SLC35A3: variants seen among roughly 807,000 people sequenced by gnomAD.
SLC35A3 encodes solute carrier family 35 member A3.
Under a neutral mutation model 39.0 loss-of-function variants are expected in SLC35A3, and 26 were observed. That is an observed-to-expected ratio of 0.67 (90% confidence interval 0.49 to 0.92). SLC35A3 has a LOEUF of 0.92. SLC35A3 is among the 40% of genes least tolerant of loss of function. The pLI is 0.00. For synonymous variants in SLC35A3, 135 were observed against 133.1 expected, an observed-to-expected ratio of 1.01 and a Z score of -0.10; for missense variants, 299 against 371.6, an observed-to-expected ratio of 0.80 and a Z score of 1.61.
chr1:99,975,398 TAGA>T lies in SLC35A3; in HGVS notation c.-19+5242_-19+5244del, dbSNP rs554443021. On this transcript the variant is annotated intron_variant, in intron 1 of 7. Transcript: ENST00000533028. ...ATGGAGAAGCAGGAAATACAGTGAA[TAGA>T]AGAAGGAAATGTATATCATTTGTCA... 7.1e-3 allele frequency among the ~76,000 whole-genome samples: 1,080 copies of T among 152,320 alleles called. 7 individuals are homozygous for T. The highest frequency in any genetic ancestry group is 0.025 in the African/African-American group (1,032 of 41,562).
At chr1:99,978,432 T>TG (rs1465487882) in intron 1 of SLC35A3, among the ~76,000 whole-genome samples, 3 of 152,004 alleles carry the variant, frequency 2.0e-5, no homozygotes, top group Non-Finnish European at 4.4e-5. Context: ...GAGGCTGAGG[T>TG]GGGAGTATAG....
intron 1 of SLC35A3, among the ~76,000 whole-genome samples, chr1:99,981,573 A>G (rs1033141227): frequency 3.3e-5 from 5 of 151,718 alleles, no homozygotes; most frequent in Admixed American, 1.3e-4. Context: ...TCCTCCTCCC[A>G]GGTTCAAGAA....
At position 100,030,201 on chromosome 1, in the gene SLC35A3, T is replaced by A. The variant is rs1249802472; in HGVS notation, c.*7725T>A. The A allele has an allele frequency of 6.6e-6, 1 of 152,204 alleles. No homozygotes were observed. The highest frequency in any genetic ancestry group is 1.5e-5 in the Non-Finnish European group (1 of 68,030). 9.4% of individuals were successfully genotyped at this position (152,204 alleles called of 1,614,324 possible). On this transcript the variant is annotated 3_prime_UTR_variant, in exon 8 of 8. Coordinates refer to ENST00000533028, the MANE Select transcript of SLC35A3 (RefSeq NM_012243.3). ...CATTCATTTAGGATTTCTAAAATGTTAGAGGTAATTTGTTTAAAACAAATA... is the reference window on the plus strand; with the variant it reads ...CATTCATTTAGGATTTCTAAAATGTAAGAGGTAATTTGTTTAAAACAAATA...
chr1:100,017,222 A>G (rs12121636), intron 6 of SLC35A3, among the ~76,000 whole-genome samples: 4,716 of 152,304 alleles, frequency 0.031, 95 homozygotes, highest in Middle Eastern at 0.044. Flanking sequence ...TTAATGTGAC[A>G]GTAATGAGAG....
At position 100,029,721 on chromosome 1, in the gene SLC35A3, A is replaced by C. The variant is rs567273879; in HGVS notation, c.*7245A>C. 1 of 152,244 alleles carries C rather than the reference A, an allele frequency of 6.6e-6. No individual in the cohort carries two copies. The highest frequency in any genetic ancestry group is 1.9e-4 in the East Asian group (1 of 5,182). 9.4% of individuals were successfully genotyped at this position (152,244 alleles called of 1,614,324 possible). Reference sequence around the variant, plus strand: ...GCTGGGATTACAGGCATGAGCCATCACACCCAGCCCAGAGACTTTTAATTT... The same window carrying C: ...GCTGGGATTACAGGCATGAGCCATCCCACCCAGCCCAGAGACTTTTAATTT... On this transcript the variant is annotated 3_prime_UTR_variant, in exon 8 of 8. Transcript: ENST00000533028.
At chr1:99,986,985 T>C (rs1657781181) in intron 1 of SLC35A3, among the ~76,000 whole-genome samples, 1 of 152,246 alleles carries the variant, frequency 6.6e-6, no homozygotes, top group Non-Finnish European at 1.5e-5. Flanking sequence ...TGAACAGATA[T>C]GAAATCATTG....
chr1:99,981,264 G>A (rs913536571), intron 1 of SLC35A3, among the ~76,000 whole-genome samples: 17 of 152,254 alleles, frequency 1.1e-4, no homozygotes, highest in Middle Eastern at 3.4e-3. Context: ...TGTAACTTGT[G>A]TGTTTTCATA....
rs111846657 is a variant in SLC35A3, at chr1:99,983,537, T to TCAAAA, written c.-18-9974_-18-9970dup. Among the ~76,000 whole-genome samples, 233 of 150,314 alleles carry TCAAAA rather than the reference T, an allele frequency of 1.6e-3. 2 individuals carry two copies. Among genetic ancestry groups the TCAAAA allele is most frequent in the South Asian group, 6.9e-3 (33 of 4,776 alleles). On this transcript the variant is annotated intron_variant, in intron 1 of 7. Transcript: ENST00000533028. The stretch of plus-strand genomic sequence containing the variant: ...CTGGGCGACAAAGCGAGACTCCGTC[T>TCAAAA]CAAAACAAAACAAAACAAAACAAAA...
chr1:100,007,131 T>G lies in SLC35A3; in HGVS notation c.440T>G (p.Leu147Trp). The change falls in exon 4 of 8, where the codon TTG (leucine) becomes TGG (tryptophan). Residue 147 changes from leucine (L) to tryptophan (W), a missense_variant. Coordinates refer to ENST00000533028, the MANE Select transcript of SLC35A3 (RefSeq NM_012243.3). Reference sequence around the variant, plus strand: ...TACCAGTGGCTGTCCCTAGTAATTTTGATGACAGGAGTTGCTTTTGTACAG... The same window carrying G: ...TACCAGTGGCTGTCCCTAGTAATTTGGATGACAGGAGTTGCTTTTGTACAG... ...GVYQWLSLVI[L>W]MTGVAFVQWP... 1 of 1,611,120 alleles carries G rather than the reference T, an allele frequency of 6.2e-7. No homozygotes were observed. The highest frequency in any genetic ancestry group is 8.5e-7 in the Non-Finnish European group (1 of 1,178,608).
rs1661379004 is a variant in SLC35A3 at position 100,034,034 on chromosome 1, C to T, written c.*11558C>T. 6.6e-6 allele frequency: 1 copy of T among 152,170 alleles called. No homozygotes were observed. The highest frequency in any genetic ancestry group is 6.5e-5 in the Admixed American group (1 of 15,280). 9.4% of individuals were successfully genotyped at this position (152,170 alleles called of 1,614,324 possible). ...CCTTGGCCATGTAGAAAATCCTTGACAAACATTTCCTTTTCTTGAGTTTGT... is the reference window on the plus strand; with the variant it reads ...CCTTGGCCATGTAGAAAATCCTTGATAAACATTTCCTTTTCTTGAGTTTGT... On this transcript the variant is annotated 3_prime_UTR_variant, in exon 8 of 8. Coordinates refer to ENST00000533028, the MANE Select transcript of SLC35A3 (RefSeq NM_012243.3).
In SLC35A3 at chr1:100,022,451, C is replaced by T; in HGVS notation, c.953C>T (p.Pro318Leu). 1 of 1,602,818 alleles carries T rather than the reference C, an allele frequency of 6.2e-7. No homozygotes were observed. The highest frequency in any genetic ancestry group is 1.1e-5 in the South Asian group (1 of 90,202). The change falls in exon 8 of 8, where the codon CCT (proline) becomes CTT (leucine). Residue 318 changes from proline (P) to leucine (L), a missense_variant. By Grantham distance (98) the Pro-to-Leu change is moderately conservative (BLOSUM62 -3). Coordinates refer to ENST00000533028, the MANE Select transcript of SLC35A3 (RefSeq NM_012243.3). ...ATFLYGYDPK[P>L]AGNPTKA is the part of the protein sequence containing the mutation. ...TTTTTGTATGGTTATGATCCCAAAC[C>T]TGCAGGAAATCCCACTAAAGCATAG...
intron 1 of SLC35A3, among the ~76,000 whole-genome samples, chr1:99,988,245 C>T (rs1442053692): frequency 6.6e-6 from 1 of 152,024 alleles, no homozygotes; most frequent in African/African-American, 2.4e-5. Context: ...TTAATTTTGC[C>T]TTTTCTAGAA....
intron 1 of SLC35A3, among the ~76,000 whole-genome samples, chr1:99,983,774 C>T (rs1182502140): frequency 2.0e-5 from 3 of 151,740 alleles, no homozygotes; most frequent in Non-Finnish European, 2.9e-5. Flanking sequence ...TACAGGCGCC[C>T]ACCACGCCTG....
At chr1:99,999,011 A>C (rs1042739980) in intron 2 of SLC35A3, among the ~76,000 whole-genome samples, 2 of 152,206 alleles carry the variant, frequency 1.3e-5, no homozygotes, top group Non-Finnish European at 2.9e-5. Context: ...GTTTGTATAT[A>C]TACATATATG....
At chr1:100,012,273 C>G (rs896408525) in intron 5 of SLC35A3, among the ~76,000 whole-genome samples, 6 of 151,848 alleles carry the variant, frequency 4.0e-5, no homozygotes, top group African/African-American at 1.2e-4. Flanking sequence ...CTAAAAATGT[C>G]AACTATTTAT....
intron 1 of SLC35A3, among the ~76,000 whole-genome samples, chr1:99,973,471 A>G (rs892481842): frequency 1.3e-5 from 2 of 152,312 alleles, no homozygotes; most frequent in South Asian, 4.1e-4. Flanking sequence ...TGTTTCTTTA[A>G]TGTATCTTTT....
Position 100,017,692 on chromosome 1 carries a change from G to A in SLC35A3, c.764G>A (p.Gly255Asp). ...WIVVVLQALG[G>D]LVIAAVIKYA... Reference sequence around the variant, plus strand: ...TTTTTAAAACTTCAGGCACTTGGAGGCCTTGTAATAGCTGCTGTTATTAAG... The same window carrying A: ...TTTTTAAAACTTCAGGCACTTGGAGACCTTGTAATAGCTGCTGTTATTAAG... The change falls in exon 7 of 8, where the codon GGC (glycine) becomes GAC (aspartate). Residue 255 changes from glycine (G) to aspartate (D), a missense_variant. Transcript: ENST00000533028. 1 of 1,544,718 alleles carries A rather than the reference G, an allele frequency of 6.5e-7. No homozygotes were observed. The highest frequency in any genetic ancestry group is 1.7e-4 in the Middle Eastern group (1 of 5,786).
intron 1 of SLC35A3, among the ~76,000 whole-genome samples, chr1:99,987,520 G>C (rs1027246958): frequency 2.0e-5 from 3 of 152,204 alleles, no homozygotes; most frequent in Admixed American, 1.3e-4. Flanking sequence ...CATTGTTCGT[G>C]TTTGGAGCAT....
intron 1 of SLC35A3, among the ~76,000 whole-genome samples, chr1:99,971,282 CG>C (rs1473623750): frequency 1.3e-5 from 2 of 151,604 alleles, no homozygotes; most frequent in East Asian, 3.9e-4. Context: ...TTGAGTCTGA[CG>C]GTGGCTCCAG....
Sources: allele counts gnomAD v4.1 joint callset (sites outside exome capture counted in the v4.1 genomes callset), GRCh38; gene constraint gnomAD v4.1.1; transcripts MANE v1.5; gene names NCBI Gene and HGNC (gene_info 2026-07-23, HGNC 2026-07-21).